The following WASHC4 variants were observed in gnomAD, a reference collection of about 807,000 sequenced individuals.
WASHC4 encodes the protein WASH complex subunit 4.
Under a neutral mutation model 166.6 loss-of-function variants are expected in WASHC4, and 86 were observed. The ratio of observed to expected loss-of-function variants is 0.52; its 90% confidence interval spans 0.43 to 0.62. The LOEUF is 0.62. Ranked by LOEUF, WASHC4 falls within the 20% of genes least tolerant of loss-of-function variation. The probability of loss-of-function intolerance (pLI) is 0.00; values close to 1 mark genes in which losing one functional copy is unlikely to be tolerated. For synonymous variants in WASHC4, 446 were observed against 451.6 expected, an observed-to-expected ratio of 0.99 and a Z score of 0.16; for missense variants, 1,262 against 1,382.4, an observed-to-expected ratio of 0.91 and a Z score of 1.38.
At chr12:105,125,945 A>C (rs1881240369) in intron 10 of WASHC4, 59 bp from the exon 11 acceptor site, 7 of 1,514,774 alleles carry the variant, frequency 4.6e-6, no homozygotes, top group Non-Finnish European at 6.4e-6. Context: ...TATGATATTT[A>C]AATGTTTAAT....
intron 9 of WASHC4, among the ~76,000 whole-genome samples, 159 bp from the exon 10 acceptor site, chr12:105,121,959 C>T (rs540577929): frequency 2.0e-5 from 3 of 152,092 alleles, no homozygotes; most frequent in East Asian, 1.9e-4. Context: ...TATTAAAAAG[C>T]GTAAGAAAAT....
chr12:105,115,374 G>T, intron 5 of WASHC4, 145 bp downstream of exon 5: 1 of 715,270 alleles, frequency 1.4e-6, no homozygotes, highest in Non-Finnish European at 2.5e-6. Context: ...TGGTAAACAG[G>T]TAAAAAAGCT....
At position 105,107,875 on chromosome 12, in the gene WASHC4, A is replaced by T. The variant is rs760402524; in HGVS notation, c.61+14A>T. Reference sequence around the variant, plus strand: ...ACGGCTCGCAGAGTAAGGGAGCTGCAGGGCGAGGGCTGCGGGTGGACGCTC... The same window carrying T: ...ACGGCTCGCAGAGTAAGGGAGCTGCTGGGCGAGGGCTGCGGGTGGACGCTC... On this transcript the variant is annotated intron_variant, in intron 1 of 32. Coordinates refer to ENST00000332180, the MANE Select transcript of WASHC4 (RefSeq NM_015275.3). 1.2e-5 allele frequency: 18 copies of T among 1,541,226 alleles called. No homozygotes were observed. The South Asian group carries it at 2.1e-4, about 18-fold the overall frequency.
chr12:105,164,803 C>G (rs1164430475), intron 32 of WASHC4, 63 bp downstream of exon 32: 1 of 1,065,948 alleles, frequency 9.4e-7, no homozygotes, highest in Non-Finnish European at 1.4e-6. Flanking sequence ...CAGTAATGCA[C>G]CATTTTATCT....
At chr12:105,155,473 C>CA (rs2135828823) in intron 26 of WASHC4, among the ~76,000 whole-genome samples, 1 of 314 alleles carries the variant, frequency 3.2e-3, no homozygotes, top group East Asian at 0.083. Flanking sequence ...TGAACAGTAG[C>CA]AGAGGGGTGC....
At position 105,133,804 on chromosome 12, in the gene WASHC4, T is replaced by C. The variant is rs1433594989; in HGVS notation, c.1234T>C (p.Trp412Arg). Residue 412 changes from tryptophan to arginine, a missense_variant, in exon 14 of 33, where the codon TGG (tryptophan) becomes CGG (arginine). Physicochemically the swap from Trp to Arg is moderately radical, Grantham distance 101 (BLOSUM62 -3). Coordinates refer to ENST00000332180, the MANE Select transcript of WASHC4 (RefSeq NM_015275.3). ...GTCTTACTACGTCTTTGTGAGCTCA[T>C]GGATGATGAAAATGGAATCTATTTT... Reference protein sequence around the residue: ...VQSYYVFVSSWMMKMESILSK... With the variant: ...VQSYYVFVSSRMMKMESILSK... The C allele has an allele frequency of 6.2e-7, 1 of 1,612,288 alleles. No individual in the cohort carries two copies. Among genetic ancestry groups the C allele is most frequent in the Non-Finnish European group, 8.5e-7 (1 of 1,178,666 alleles).
Position 105,144,419 on chromosome 12 carries a change from C to G in WASHC4, c.2143C>G (p.Pro715Ala), listed in dbSNP as rs1427344590. The change falls in exon 21 of 33, where the codon CCA becomes GCA. Residue 715 changes from proline to alanine, a missense_variant. By Grantham distance (27) the Pro-to-Ala change is conservative. Transcript: ENST00000332180. ...KDLALFFSLN[P>A]IRFFNRFIDI... Reference sequence around the variant, plus strand: ...CCTGGCTCTTTTTTTCTCTCTGAATCCAATTCGGTTTTTCAATCGTTTCAT... The same window carrying G: ...CCTGGCTCTTTTTTTCTCTCTGAATGCAATTCGGTTTTTCAATCGTTTCAT... 6.2e-7 allele frequency: 1 copy of G among 1,613,194 alleles called. No individual in the cohort carries two copies. Among genetic ancestry groups the G allele is most frequent in the South Asian group, 1.1e-5 (1 of 91,066 alleles).
In WASHC4 at chr12:105,149,764, C is replaced by A; in HGVS notation, c.2649+15C>A. ...ATGATCATAAGGTAGGCTACCTATT[C>A]TTTTTAAGGTATTTGATTAAGCTAT... is the stretch of plus-strand genomic sequence containing the variant. On this transcript the variant is annotated intron_variant, in intron 25 of 32. Coordinates refer to ENST00000332180, the MANE Select transcript of WASHC4 (RefSeq NM_015275.3). 1 of 1,584,846 alleles carries A rather than the reference C, an allele frequency of 6.3e-7. No individual in the cohort carries two copies. Among genetic ancestry groups the A allele is most frequent in the South Asian group, 1.1e-5 (1 of 87,636 alleles).
rs562160052 is a variant in WASHC4, at chr12:105,147,507, TAA to T, written c.2514+362_2514+363del. On this transcript the variant is annotated intron_variant, in intron 24 of 32. Transcript: ENST00000332180. ...ACTTTTGAAAGTCAACAATAGATAG[TAA>T]TTTACTTAATGTTATTTATGCCCTT... is the stretch of plus-strand genomic sequence containing the variant. 4.4e-3 allele frequency: 2,790 copies of T among 627,370 alleles called. 12 individuals are homozygous for T. Among genetic ancestry groups the T allele is most frequent in the Middle Eastern group, 0.015 (33 of 2,236 alleles). The allele number at this position is 627,370 out of a possible 1,614,324, so 38.9% of individuals were successfully genotyped here.
rs994456280 is a variant in WASHC4, at chr12:105,149,508, T to C, written c.2515-107T>C. 2.5e-5 allele frequency: 26 copies of C among 1,042,356 alleles called. No homozygotes were observed. In the African/African-American group the frequency reaches 3.4e-4, roughly 14 times the overall value. 64.6% of individuals were successfully genotyped at this position (1,042,356 alleles called of 1,614,324 possible). A position where few individuals can be genotyped will look rare whatever the true frequency, so the allele number is the denominator to read the frequency against. On this transcript the variant is annotated intron_variant, in intron 24 of 32. Transcript: ENST00000332180. ...GAAATAGACTTTTTAAATAGTACTT[T>C]ATAGGTAGTACAAATAGATAACTGT...
intron 23 of WASHC4, 60 bp from the exon 24 acceptor site, chr12:105,146,982 G>A (rs1883348608): frequency 1.1e-6 from 1 of 920,144 alleles, no homozygotes; most frequent in Admixed American, 1.7e-5. Context: ...TTGGATACCT[G>A]TTTGACCAGT....
rs1466243999 is a variant in WASHC4, at chr12:105,164,326, G to A, written c.3354+19G>A. On this transcript the variant is annotated intron_variant, in intron 31 of 32. Transcript: ENST00000332180. ...TCTACAGGTAGAGAGGAGCCTAAGAGTCACATCTGCTTTGACTTACCATTT... is the reference window on the plus strand; with the variant it reads ...TCTACAGGTAGAGAGGAGCCTAAGAATCACATCTGCTTTGACTTACCATTT... 1.9e-6 allele frequency: 3 copies of A among 1,601,514 alleles called. No individual in the cohort carries two copies. The highest frequency in any genetic ancestry group is 1.7e-5 in the Admixed American group (1 of 59,978).
chr12:105,151,218 A>G (rs2440713), intron 25 of WASHC4, among the ~76,000 whole-genome samples: 74,914 of 150,480 alleles, frequency 0.5, 18,886 homozygotes, highest in Middle Eastern at 0.68. Flanking sequence ...CCCATAGTGA[A>G]GTGAAGTGAA....
intron 2 of WASHC4, 32 bp downstream of exon 2, chr12:105,111,296 A>G: frequency 7.0e-7 from 1 of 1,431,026 alleles, no homozygotes; most frequent in Non-Finnish European, 9.7e-7. Flanking sequence ...ATATATGTAT[A>G]TATTTTCTGG....
Position 105,126,380 on chromosome 12 carries a change from A to AT in WASHC4, c.1038+23dup. On this transcript the variant is annotated intron_variant, in intron 12 of 32. Transcript: ENST00000332180. ...GTAAGAAGGTAAGAACTTGAAACTTATTTTTCAATTTGAGCAGATTAAAAA... is the reference window on the plus strand; with the variant it reads ...GTAAGAAGGTAAGAACTTGAAACTTATTTTTTCAATTTGAGCAGATTAAAAA... The AT allele has an allele frequency of 6.5e-7, 1 of 1,528,776 alleles. No individual in the cohort carries two copies. The highest frequency in any genetic ancestry group is 9.0e-7 in the Non-Finnish European group (1 of 1,109,306). 94.7% of individuals were successfully genotyped at this position (1,528,776 alleles called of 1,614,324 possible). A position where few individuals can be genotyped will look rare whatever the true frequency, so the allele number is the denominator to read the frequency against.
intron 1 of WASHC4, among the ~76,000 whole-genome samples, 153 bp from the exon 2 acceptor site, chr12:105,110,969 ATTG>A (rs1450384977): frequency 3.3e-5 from 5 of 152,194 alleles, no homozygotes; most frequent in African/African-American, 1.2e-4. Flanking sequence ...TGAAAGCTGA[ATTG>A]TTGTTTAACT....
intron 25 of WASHC4, among the ~76,000 whole-genome samples, chr12:105,151,004 CAAG>C (rs1416295794): frequency 2.0e-5 from 3 of 148,842 alleles, no homozygotes; most frequent in Admixed American, 2.0e-4. Context: ...AACTATAATT[CAAG>C]ATGAGATTTG....
At chr12:105,146,071 T>G (rs1883268055) in intron 22 of WASHC4, among the ~76,000 whole-genome samples, 1 of 152,178 alleles carries the variant, frequency 6.6e-6, no homozygotes, top group Admixed American at 6.5e-5. Context: ...ATAGTATGTA[T>G]TTTATGAATG....
chr12:105,107,896 C>T (rs1879228243), intron 1 of WASHC4, 35 bp downstream of exon 1: 1 of 1,487,372 alleles, frequency 6.7e-7, no homozygotes, highest in Non-Finnish European at 9.2e-7. Context: ...TGCGGGTGGA[C>T]GCTCCTTCGG....
Sources: gnomAD v4.1 joint callset for allele counts (sites outside exome capture counted in the v4.1 genomes callset) on GRCh38, gnomAD v4.1.1 for gene constraint, MANE v1.5 for transcripts, NCBI Gene and HGNC (gene_info 2026-07-23, HGNC 2026-07-21) for gene names.